Variants in ATRN observed in about 807,000 individuals in gnomAD.
ATRN encodes attractin.
Under a neutral mutation model 178.7 loss-of-function variants are expected in ATRN, and 54 were observed. The ratio of observed to expected loss-of-function variants is 0.30; its 90% confidence interval spans 0.24 to 0.38. ATRN has a LOEUF of 0.38. Among genes scored for constraint, ATRN ranks in the 10% least tolerant of loss-of-function variants. ATRN has a pLI of 1.00. For missense variants in ATRN, 1,443 were observed against 1,815.1 expected (o/e 0.79, Z 3.73); for synonymous variants, 636 against 663.0 (o/e 0.96, Z 0.63).
intron 1 of ATRN, among the ~76,000 whole-genome samples, chr20:3,525,866 A>G (rs1691030265): frequency 6.6e-6 from 1 of 152,112 alleles, no homozygotes; most frequent in African/African-American, 2.4e-5. Flanking sequence ...CATGCTAAAA[A>G]CTCTAAATAA....
rs200055112 is a variant in ATRN, at chr20:3,584,070, G to A, written c.2937G>A (p.Met979Ile). The A allele has an allele frequency of 1.2e-6, 2 of 1,613,892 alleles. No homozygotes were observed. The highest frequency in any genetic ancestry group is 2.2e-5 in the East Asian group (1 of 44,868). Residue 979 changes from methionine to isoleucine, a missense_variant, in exon 17 of 29, where the codon ATG becomes ATA. Coordinates refer to ENST00000262919, the MANE Select transcript of ATRN (RefSeq NM_139321.3). ...PFGQCMEWYT[M>I]STCPPENCSG... is the part of the protein sequence containing the mutation. ...GCCAGTGTATGGAATGGTATACGAT[G>A]AGCACCTGCCCCCGTAAGTGAAAAA...
chr20:3,618,842 G>GGTT (rs3830951), intron 24 of ATRN, among the ~76,000 whole-genome samples: 69,740 of 151,808 alleles, frequency 0.46, 17,711 homozygotes, highest in African/African-American at 0.69. Flanking sequence ...TGGTGGTGGT[G>GGTT]GTTTTGTTTC....
intron 1 of ATRN, among the ~76,000 whole-genome samples, chr20:3,498,837 A>G (rs553837819): frequency 6.2e-4 from 89 of 143,886 alleles, no homozygotes; most frequent in Admixed American, 1.1e-3. Flanking sequence ...GGCCAGGGCA[A>G]TTAGGCAGGA....
intron 19 of ATRN, among the ~76,000 whole-genome samples, chr20:3,593,369 T>C (rs1207980365): frequency 6.6e-6 from 1 of 152,200 alleles, no homozygotes; most frequent in African/African-American, 2.4e-5. Flanking sequence ...ATAGTAGCCA[T>C]GATTTCTTGA....
chr20:3,615,787 G>GC, intron 24 of ATRN: 1 of 453,700 alleles, frequency 2.2e-6, no homozygotes, highest in South Asian at 1.6e-5. Flanking sequence ...GCAAACTATC[G>GC]CAAGGACAAA....
rs376095112 is a variant in ATRN, at chr20:3,485,826, C to T, written c.410+14309C>T. ...TAGTAGAGACGGGGTTTCACCATGT[C>T]GGTCAGGCTGGTCTCAAACTCCTGA... On this transcript the variant is annotated intron_variant, in intron 1 of 28. Transcript: ENST00000262919. Among the ~76,000 whole-genome samples the T allele has an allele frequency of 2.8e-4, 43 of 151,558 alleles. No homozygotes were observed. In the Middle Eastern group the frequency reaches 0.02, roughly 72 times the overall value.
rs558680632 is a variant in ATRN at position 3,625,296 on chromosome 20, A to G, written c.3863+724A>G. 9.2e-5 allele frequency among the ~76,000 whole-genome samples: 14 copies of G among 152,240 alleles called. No homozygotes were observed. The East Asian group carries it at 2.7e-3, about 29-fold the overall frequency. ...CCCTAGCATCTCCCCTCACACCACA[A>G]AAGCATACAAAAGCCCCATCTCTTT... On this transcript the variant is annotated intron_variant, in intron 25 of 28. Transcript: ENST00000262919.
chr20:3,592,304 G>C (rs2086458002), intron 19 of ATRN, among the ~76,000 whole-genome samples: 1 of 151,492 alleles, frequency 6.6e-6, no homozygotes, highest in Non-Finnish European at 1.5e-5. Flanking sequence ...GGAGGCTGAG[G>C]CATGAGAATT....
At chr20:3,514,970 A>T (rs2085186952) in intron 1 of ATRN, among the ~76,000 whole-genome samples, 1 of 152,166 alleles carries the variant, frequency 6.6e-6, no homozygotes, top group South Asian at 2.1e-4. Flanking sequence ...AAAATAAAAG[A>T]AAAAAAGATA....
intron 17 of ATRN, 64 bp downstream of exon 17, chr20:3,584,147 T>A: frequency 6.6e-7 from 1 of 1,520,840 alleles, no homozygotes; most frequent in East Asian, 2.3e-5. Flanking sequence ...AACTCAGCCA[T>A]GAGGCTGTGC....
At chr20:3,557,875 C>T (rs1299758637) in intron 6 of ATRN, among the ~76,000 whole-genome samples, 1 of 152,060 alleles carries the variant, frequency 6.6e-6, no homozygotes, top group East Asian at 1.9e-4. Context: ...TTTAAGAGTG[C>T]AATATTCCAA....
rs2084967412 is a variant in ATRN at position 3,501,722 on chromosome 20, A to G, written c.410+30205A>G. Among the ~76,000 whole-genome samples, 3 of 152,220 alleles carry G rather than the reference A, an allele frequency of 2.0e-5. No homozygotes were observed. The South Asian group carries it at 6.2e-4, about 32-fold the overall frequency. ...AGGGGCGAGGGCCAACTTTTGGTAC[A>G]GCTTTTCCCTTGGGGGGACTGGCCG... On this transcript the variant is annotated intron_variant, in intron 1 of 28. Coordinates refer to ENST00000262919, the MANE Select transcript of ATRN (RefSeq NM_139321.3).
intron 25 of ATRN, among the ~76,000 whole-genome samples, chr20:3,626,025 A>G (rs2086935882): frequency 6.6e-6 from 1 of 152,168 alleles, no homozygotes. Flanking sequence ...TGAGCTCAGG[A>G]GTTCGAGACC....
intron 15 of ATRN, among the ~76,000 whole-genome samples, chr20:3,581,278 A>C (rs967850885): frequency 6.6e-6 from 1 of 152,218 alleles, no homozygotes; most frequent in African/African-American, 2.4e-5. Context: ...AGGGAAATAC[A>C]GTATATCTTT....
intron 11 of ATRN, among the ~76,000 whole-genome samples, chr20:3,565,815 A>C (rs1485597969): frequency 6.6e-6 from 1 of 151,346 alleles, no homozygotes; most frequent in Non-Finnish European, 1.5e-5. Context: ...AAAAAAAAAA[A>C]AAAAAGAGAA....
At chr20:3,564,250 C>G (rs1206825425) in intron 10 of ATRN, among the ~76,000 whole-genome samples, 1 of 152,186 alleles carries the variant, frequency 6.6e-6, no homozygotes, top group African/African-American at 2.4e-5. Flanking sequence ...CAGGGTGTTT[C>G]TGGCTGAAAA....
chr20:3,506,817 A>G (rs1354662929), intron 1 of ATRN, among the ~76,000 whole-genome samples: 2 of 152,052 alleles, frequency 1.3e-5, no homozygotes, highest in African/African-American at 2.4e-5. Context: ...AAAATAAATG[A>G]TTAGTATCTT....
At chr20:3,644,534 C>G (rs2087093262) in intron 28 of ATRN, among the ~76,000 whole-genome samples, 1 of 152,228 alleles carries the variant, frequency 6.6e-6, no homozygotes, top group Admixed American at 6.5e-5. Context: ...GTGGATGCCT[C>G]TGACCACACC....
chr20:3,515,533 A>C (rs1329291199), intron 1 of ATRN, among the ~76,000 whole-genome samples: 14 of 152,190 alleles, frequency 9.2e-5, no homozygotes, highest in Non-Finnish European at 1.3e-4. Flanking sequence ...ATGCTGTGAG[A>C]TTTACCTTAT....
Sources: gnomAD v4.1 joint callset for allele counts (sites outside exome capture counted in the v4.1 genomes callset) on GRCh38, gnomAD v4.1.1 for gene constraint, MANE v1.5 for transcripts, NCBI Gene and HGNC (gene_info 2026-07-23, HGNC 2026-07-21) for gene names.